Variants in VPS13D observed in about 807,000 individuals in gnomAD.
VPS13D encodes vacuolar protein sorting 13 homolog D.
In VPS13D, 187 loss-of-function variants were observed where a neutral mutation model predicts 461.9. The ratio of observed to expected loss-of-function variants is 0.40; its 90% CI spans 0.36 to 0.46. The LOEUF (loss-of-function observed/expected upper bound fraction) is 0.46, where lower values mean the gene tolerates loss of function less well. VPS13D is among the 20% of genes least tolerant of loss of function. The probability of loss-of-function intolerance (pLI) is 0.60; values close to 1 mark genes in which losing one functional copy is unlikely to be tolerated. For missense variants in VPS13D, 4,711 were observed against 5,364.9 expected (o/e 0.88, Z 3.81); for synonymous variants, 1,951 against 1,986.3 (o/e 0.98, Z 0.47).
chr1:12,323,165 G>T (rs529615029), intron 34 of VPS13D, among the ~76,000 whole-genome samples: 1 of 152,098 alleles, frequency 6.6e-6, no homozygotes, highest in South Asian at 2.1e-4. Context: ...AAACTCCTGG[G>T]CCCAAGCTAT....
intron 56 of VPS13D, 83 bp from the exon 57 acceptor site, chr1:12,379,405 A>G (rs1644242535): frequency 7.8e-7 from 1 of 1,283,020 alleles, no homozygotes; most frequent in Admixed American, 2.0e-5. Context: ...GAAGAAGAGC[A>G]AAGCCATCAT....
At chr1:12,338,005 C>T in intron 39 of VPS13D, 1 of 363,368 alleles carries the variant, frequency 2.8e-6, no homozygotes, top group Non-Finnish European at 5.1e-6. Context: ...AAAAAAAAAG[C>T]ATGTTACTTT....
chr1:12,413,176 T>C (rs1644750930), intron 63 of VPS13D, among the ~76,000 whole-genome samples: 1 of 152,136 alleles, frequency 6.6e-6, no homozygotes, highest in South Asian at 2.1e-4. Flanking sequence ...TTTTTTTGTT[T>C]GTTTGTTTGT....
intron 54 of VPS13D, among the ~76,000 whole-genome samples, chr1:12,370,028 A>G (rs1644094895): frequency 6.6e-6 from 1 of 152,194 alleles, no homozygotes; most frequent in Non-Finnish European, 1.5e-5. Context: ...AATCTTCATC[A>G]TAATTATTCA....
chr1:12,252,358 A>G (rs1407752684), intron 6 of VPS13D, among the ~76,000 whole-genome samples: 1 of 152,138 alleles, frequency 6.6e-6, no homozygotes, highest in Non-Finnish European at 1.5e-5. Context: ...GCACACATCC[A>G]GTGTTCCAGT....
chr1:12,264,474 C>T (rs1641206456), intron 13 of VPS13D, among the ~76,000 whole-genome samples: 2 of 152,196 alleles, frequency 1.3e-5, no homozygotes, highest in South Asian at 2.1e-4. Flanking sequence ...GCTACTTCAG[C>T]GAACACATGA....
intron 67 of VPS13D, among the ~76,000 whole-genome samples, chr1:12,491,439 A>G (rs1645880083): frequency 6.6e-6 from 1 of 152,246 alleles, no homozygotes. Context: ...CTCATCGTAT[A>G]AGCTACGAAT....
chr1:12,335,351 G>A (rs1643425130), intron 38 of VPS13D, among the ~76,000 whole-genome samples: 1 of 152,186 alleles, frequency 6.6e-6, no homozygotes, highest in Non-Finnish European at 1.5e-5. Flanking sequence ...ACAGGCGTGA[G>A]CCACCGCGTC....
At chr1:12,487,849 A>C (rs1216696296) in intron 67 of VPS13D, among the ~76,000 whole-genome samples, 1 of 152,106 alleles carries the variant, frequency 6.6e-6, no homozygotes, top group Non-Finnish European at 1.5e-5. Flanking sequence ...AAAGTGTTTT[A>C]CCCCTGAAAT....
At chr1:12,280,347 T>C (rs1641742165) in intron 20 of VPS13D, among the ~76,000 whole-genome samples, 1 of 152,010 alleles carries the variant, frequency 6.6e-6, no homozygotes, top group South Asian at 2.1e-4. Context: ...CATTTGTGGT[T>C]CCTCCCAGGG....
chr1:12,444,004 C>G (rs1430884889), intron 65 of VPS13D, among the ~76,000 whole-genome samples: 1 of 152,108 alleles, frequency 6.6e-6, no homozygotes, highest in Non-Finnish European at 1.5e-5. Context: ...CGCCATCGTG[C>G]CCGGCTAACT....
At chr1:12,392,828 A>G (rs1310516354) in intron 60 of VPS13D, among the ~76,000 whole-genome samples, 3 of 152,182 alleles carry the variant, frequency 2.0e-5, no homozygotes, top group South Asian at 2.1e-4. Context: ...CTGCTGGGTC[A>G]TATGGCCCAG....
Position 12,304,733 on chromosome 1 carries a change from AAG to A in VPS13D, c.6439+8_6439+9del. 1 of 1,613,706 alleles carries A rather than the reference AAG, an allele frequency of 6.2e-7. No homozygotes were observed. The highest frequency in any genetic ancestry group is 8.5e-7 in the Non-Finnish European group (1 of 1,179,948). On this transcript the variant is annotated splice_donor_region_variant and intron_variant, in intron 26 of 69. Transcript: ENST00000620676. The stretch of plus-strand genomic sequence containing the variant: ...GCCAAGAGTCCAGTAGTCCAGGTAA[AAG>A]AGGAGAAAAGCAACATAATACTGAA...
At position 12,257,140 on chromosome 1, in the gene VPS13D, A is replaced by G. The variant is rs994629454; in HGVS notation, c.941+53A>G. ...ATTCATGTTAGAGCCTGTTCTTGCT[A>G]TGTACATAGATCAGAAATATGCCTC... On this transcript the variant is annotated intron_variant, in intron 9 of 69. Coordinates refer to ENST00000620676, the MANE Select transcript of VPS13D (RefSeq NM_015378.4). 16 of 1,496,972 alleles carry G rather than the reference A, an allele frequency of 1.1e-5. 1 individual carries two copies. The highest frequency in any genetic ancestry group is 4.5e-5 in the South Asian group (4 of 88,428). The allele number at this position is 1,496,972 out of a possible 1,614,324, so 92.7% of individuals were successfully genotyped here.
At chr1:12,498,784 ACT>A (rs967119566) in intron 68 of VPS13D, among the ~76,000 whole-genome samples, 27 of 152,234 alleles carry the variant, frequency 1.8e-4, no homozygotes, top group African/African-American at 6.3e-4. Flanking sequence ...CCCTCTTCTC[ACT>A]GTGTCCCCAC....
chr1:12,353,139 C>G (rs1281215580), intron 46 of VPS13D, among the ~76,000 whole-genome samples: 1 of 151,928 alleles, frequency 6.6e-6, no homozygotes, highest in Non-Finnish European at 1.5e-5. Flanking sequence ...AAATTAACAG[C>G]AATTTATTCA....
intron 25 of VPS13D, among the ~76,000 whole-genome samples, chr1:12,300,351 G>C (rs533975314): frequency 1.3e-5 from 2 of 151,994 alleles, no homozygotes; most frequent in African/African-American, 4.8e-5. Context: ...GAGATTACAG[G>C]TACCAACCAC....
intron 38 of VPS13D, 128 bp downstream of exon 38, chr1:12,333,494 C>A: frequency 8.6e-7 from 1 of 1,161,518 alleles, no homozygotes; most frequent in Non-Finnish European, 1.2e-6. Flanking sequence ...ATCCTGACTG[C>A]TTTCCTGATC....
rs1643375528 is a variant in VPS13D, at chr1:12,333,266, C to T, written c.8328C>T (p.Ser2776=). 2 of 1,613,994 alleles carry T rather than the reference C, an allele frequency of 1.2e-6. No homozygotes were observed. Among genetic ancestry groups the T allele is most frequent in the African/African-American group, 1.3e-5 (1 of 74,916 alleles). ...TTGAGCCTTGGCCATGCTCTGTATCCTGGCAACAGCAGGCAGCTAGTCGTC... is the reference window on the plus strand; with the variant it reads ...TTGAGCCTTGGCCATGCTCTGTATCTTGGCAACAGCAGGCAGCTAGTCGTC... ...PFIEPWPCSV[S]WQQQAASRLH... is the part of the protein sequence containing the mutation. Residue 2776 remains serine, a synonymous_variant, in exon 38 of 70, where the codon TCC becomes TCT. Transcript: ENST00000620676.
Sources: gnomAD v4.1 joint callset for allele counts (sites outside exome capture counted in the v4.1 genomes callset) on GRCh38, gnomAD v4.1.1 for gene constraint, MANE v1.5 for transcripts, NCBI Gene and HGNC (gene_info 2026-07-23, HGNC 2026-07-21) for gene names.